The following HSD17B11 variants were observed in gnomAD, a reference collection of about 807,000 sequenced individuals.
HSD17B11 encodes the protein hydroxysteroid 17-beta dehydrogenase 11.
Under a neutral mutation model 27.8 loss-of-function variants are expected in HSD17B11, and 22 were observed. The observed-to-expected ratio is 0.79, with a 90% confidence interval of 0.56 to 1.13. HSD17B11 has a LOEUF of 1.13. Ranked by LOEUF, HSD17B11 falls within the 50% of genes most tolerant of loss-of-function variation. The probability of loss-of-function intolerance (pLI) is 0.00; values close to 1 mark genes in which losing one functional copy is unlikely to be tolerated. For missense variants in HSD17B11, 314 were observed against 351.1 expected (o/e 0.89, Z 0.84); for synonymous variants, 117 against 132.8 (o/e 0.88, Z 0.82).
intron 5 of HSD17B11, among the ~76,000 whole-genome samples, chr4:87,343,753 A>G (rs78104399): frequency 1.3e-5 from 2 of 152,050 alleles, no homozygotes; most frequent in South Asian, 4.1e-4. Flanking sequence ...TCACCATGTT[A>G]GCCAGGCTGG....
At chr4:87,378,268 C>A (rs1735883441) in intron 2 of HSD17B11, among the ~76,000 whole-genome samples, 1 of 152,152 alleles carries the variant, frequency 6.6e-6, no homozygotes, top group Admixed American at 6.5e-5. Context: ...ACACTCTTGA[C>A]CCTTTCTTCA....
At chr4:87,346,344 GATTT>G (rs1311215243) in intron 5 of HSD17B11, among the ~76,000 whole-genome samples, 1 of 152,138 alleles carries the variant, frequency 6.6e-6, no homozygotes, top group Admixed American at 6.6e-5. Context: ...AAGATAGTAG[GATTT>G]ATTAAATATA....
At chr4:87,378,946 ATTTATATATATATAT>A (rs1560769650) in intron 2 of HSD17B11, among the ~76,000 whole-genome samples, 459 of 23,382 alleles carry the variant, frequency 0.02, 55 homozygotes, top group African/African-American at 0.036. Context: ...ATATATATAT[ATTTATATATATATAT>A]TTTTTTTTTT....
intron 4 of HSD17B11, among the ~76,000 whole-genome samples, chr4:87,362,938 T>G (rs538418741): frequency 1.3e-5 from 2 of 152,260 alleles, no homozygotes; most frequent in South Asian, 4.2e-4. Context: ...TCTTATCTTT[T>G]CTATTTCTCA....
chr4:87,363,468 T>C (rs1385324833), intron 4 of HSD17B11, among the ~76,000 whole-genome samples: 1 of 152,188 alleles, frequency 6.6e-6, no homozygotes, highest in Non-Finnish European at 1.5e-5. Flanking sequence ...AAGCCCGCTT[T>C]TCAAGACTAC....
At chr4:87,354,194 T>C (rs1273841020) in intron 5 of HSD17B11, among the ~76,000 whole-genome samples, 1 of 152,202 alleles carries the variant, frequency 6.6e-6, no homozygotes, top group Non-Finnish European at 1.5e-5. Context: ...TCTGCTTCCC[T>C]GTGGGATGAC....
intron 4 of HSD17B11, among the ~76,000 whole-genome samples, chr4:87,359,927 G>T (rs187349290): frequency 6.6e-6 from 1 of 152,212 alleles, no homozygotes; most frequent in East Asian, 1.9e-4. Context: ...CAAGGATAAG[G>T]TTAATATATG....
chr4:87,346,511 A>G (rs2110114238), intron 5 of HSD17B11, among the ~76,000 whole-genome samples: 1 of 152,190 alleles, frequency 6.6e-6, no homozygotes, highest in South Asian at 2.1e-4. Context: ...TTAGCTGGGC[A>G]TGGTGGCACG....
At chr4:87,364,833 T>C (rs2110121218) in intron 4 of HSD17B11, among the ~76,000 whole-genome samples, 1 of 152,338 alleles carries the variant, frequency 6.6e-6, no homozygotes, top group African/African-American at 2.4e-5. Context: ...CCCAGCTCTG[T>C]TCCTCCAAGG....
chr4:87,373,940 T>G (rs1338719024), intron 3 of HSD17B11, among the ~76,000 whole-genome samples: 1 of 152,128 alleles, frequency 6.6e-6, no homozygotes, highest in African/African-American at 2.4e-5. Context: ...ACACGGCATA[T>G]GTACATATAT....
intron 5 of HSD17B11, among the ~76,000 whole-genome samples, chr4:87,347,102 G>GC (rs1383611809): frequency 2.8e-5 from 1 of 35,864 alleles, no homozygotes; most frequent in Non-Finnish European, 5.4e-5. Context: ...TAGTATTCTG[G>GC]ATTTTTTTTT....
intron 4 of HSD17B11, among the ~76,000 whole-genome samples, chr4:87,357,955 T>A (rs1219912337): frequency 3.0e-5 from 3 of 98,568 alleles, no homozygotes; most frequent in African/African-American, 1.5e-4. Flanking sequence ...AGAAATTTTT[T>A]TTTTTTTTTT....
chr4:87,380,302 G>T (rs1366472858), intron 2 of HSD17B11, among the ~76,000 whole-genome samples: 1 of 149,378 alleles, frequency 6.7e-6, no homozygotes, highest in South Asian at 2.1e-4. Flanking sequence ...GTGAAAGCCC[G>T]TCTCTACTAA....
intron 4 of HSD17B11, among the ~76,000 whole-genome samples, chr4:87,361,693 G>T (rs1735519853): frequency 6.6e-6 from 1 of 152,202 alleles, no homozygotes. Flanking sequence ...CGTGAACCCG[G>T]GAGGCGGAGC....
chr4:87,378,905 A>AT (rs1720029230), intron 2 of HSD17B11, among the ~76,000 whole-genome samples: 1 of 12,366 alleles, frequency 8.1e-5, no homozygotes, highest in African/African-American at 5.7e-4. Context: ...AATATATATA[A>AT]ATATATATAT....
chr4:87,378,929 A>AAATATATATAAAT (rs1560769589), intron 2 of HSD17B11, among the ~76,000 whole-genome samples: 1 of 7,284 alleles, frequency 1.4e-4, no homozygotes, highest in Non-Finnish European at 2.3e-4. Context: ...AATATATATA[A>AAATATATATAAAT]ATATATATAT....
chr4:87,375,598 G>C (rs1735805584), intron 2 of HSD17B11, among the ~76,000 whole-genome samples: 2 of 152,170 alleles, frequency 1.3e-5, no homozygotes, highest in African/African-American at 2.4e-5. Context: ...AAAATTAGCT[G>C]TACATGGTGG....
At chr4:87,366,300 C>T (rs143744349) in intron 4 of HSD17B11, among the ~76,000 whole-genome samples, 1,647 of 152,112 alleles carry the variant, frequency 0.011, 15 homozygotes, top group Middle Eastern at 0.024. Flanking sequence ...GACTTATCTG[C>T]GCTTTCACAA....
intron 4 of HSD17B11, among the ~76,000 whole-genome samples, chr4:87,361,428 C>T (rs1735510987): frequency 6.6e-6 from 1 of 152,230 alleles, no homozygotes; most frequent in African/African-American, 2.4e-5. Context: ...CTTGGGGCTG[C>T]TCTGTCTATG....
Sources: gnomAD v4.1 joint callset for allele counts (sites outside exome capture counted in the v4.1 genomes callset) on GRCh38, gnomAD v4.1.1 for gene constraint, MANE v1.5 for transcripts, NCBI Gene and HGNC (gene_info 2026-07-23, HGNC 2026-07-21) for gene names.